The following SCAF8 variants were observed in gnomAD, a reference collection of about 807,000 sequenced individuals.
SCAF8 encodes SR-related and CTD-associated factor 8.
In SCAF8, 23 loss-of-function variants were observed where a neutral mutation model predicts 140.5. The observed-to-expected ratio is 0.16, with a 90% CI of 0.12 to 0.23. The LOEUF (loss-of-function observed/expected upper bound fraction) is 0.23. SCAF8 is among the 10% of genes least tolerant of loss of function. The pLI is 1.00. For synonymous variants in SCAF8, 575 were observed against 528.9 expected, an observed-to-expected ratio of 1.09 and a Z score of -1.20; for missense variants, 1,397 against 1,555.7, an observed-to-expected ratio of 0.90 and a Z score of 1.72.
intron 8 of SCAF8, among the ~76,000 whole-genome samples, chr6:154,805,009 G>A (rs4870313): frequency 0.23 from 35,080 of 151,874 alleles, 4,627 homozygotes; most frequent in East Asian, 0.64. Flanking sequence ...GTAAGAGAAG[G>A]AGTTAAAGTA....
intron 1 of SCAF8, among the ~76,000 whole-genome samples, chr6:154,759,741 C>T (rs1779052920): frequency 6.7e-6 from 1 of 149,968 alleles, no homozygotes; most frequent in African/African-American, 2.5e-5. Context: ...TCTTGGCTCA[C>T]TGCAGGCTCC....
chr6:154,799,593 C>T (rs1450479825), intron 6 of SCAF8, among the ~76,000 whole-genome samples: 3 of 151,168 alleles, frequency 2.0e-5, no homozygotes, highest in Admixed American at 1.3e-4. Context: ...GCTTTCTCAC[C>T]TCTTTCTCCT....
intron 3 of SCAF8, among the ~76,000 whole-genome samples, chr6:154,783,658 A>G (rs1228299941): frequency 6.6e-6 from 1 of 152,186 alleles, no homozygotes; most frequent in Non-Finnish European, 1.5e-5. Flanking sequence ...CTGTATGTAC[A>G]TGGTTGTTAA....
chr6:154,821,171 T>C (rs904466318), intron 15 of SCAF8, among the ~76,000 whole-genome samples: 2 of 152,158 alleles, frequency 1.3e-5, no homozygotes, highest in African/African-American at 2.4e-5. Context: ...GTGAGACAAA[T>C]AGACAAAAAT....
chr6:154,828,069 T>C lies in SCAF8; in HGVS notation c.2140+829T>C, dbSNP rs114605906. Among the ~76,000 whole-genome samples the C allele has an allele frequency of 1.9e-3, 296 of 152,326 alleles. 1 individual carries two copies. Among genetic ancestry groups the C allele is most frequent in the African/African-American group, 6.6e-3 (276 of 41,574 alleles). Reference sequence around the variant, plus strand: ...GCATTTTGATTCACTCTTGGTGTTTTGTTCCCCTTTTAATGATGTTAAGAT... The same window carrying C: ...GCATTTTGATTCACTCTTGGTGTTTCGTTCCCCTTTTAATGATGTTAAGAT... On this transcript the variant is annotated intron_variant, in intron 18 of 19. Coordinates refer to ENST00000367178, the MANE Select transcript of SCAF8 (RefSeq NM_014892.5).
chr6:154,822,543 G>T, intron 16 of SCAF8, 134 bp downstream of exon 16: 4 of 896,974 alleles, frequency 4.5e-6, no homozygotes, highest in Non-Finnish European at 6.5e-6. Flanking sequence ...TTAGGGAAAA[G>T]AATATTTCTT....
At chr6:154,803,030 T>C (rs1777813817) in intron 7 of SCAF8, among the ~76,000 whole-genome samples, 1 of 152,188 alleles carries the variant, frequency 6.6e-6, no homozygotes, top group Non-Finnish European at 1.5e-5. Flanking sequence ...TTTTTAAAAT[T>C]TGTACTTTTT....
At chr6:154,809,334 A>AG (rs1778017730) in intron 11 of SCAF8, among the ~76,000 whole-genome samples, 2 of 152,040 alleles carry the variant, frequency 1.3e-5, no homozygotes, top group Non-Finnish European at 1.5e-5. Flanking sequence ...ATGGTGTAAG[A>AG]GGGGCAGTAC....
At chr6:154,754,008 A>G (rs1778905375) in intron 1 of SCAF8, among the ~76,000 whole-genome samples, 1 of 152,082 alleles carries the variant, frequency 6.6e-6, no homozygotes, top group South Asian at 2.1e-4. Flanking sequence ...TGGTCTCCAT[A>G]TTGTTTTTGT....
At chr6:154,759,740 A>C (rs557223282) in intron 1 of SCAF8, among the ~76,000 whole-genome samples, 1 of 145,654 alleles carries the variant, frequency 6.9e-6, no homozygotes, top group Non-Finnish European at 1.5e-5. Flanking sequence ...ATCTTGGCTC[A>C]CTGCAGGCTC....
At chr6:154,741,014 T>C (rs1232579460) in intron 1 of SCAF8, among the ~76,000 whole-genome samples, 1 of 152,210 alleles carries the variant, frequency 6.6e-6, no homozygotes, top group Non-Finnish European at 1.5e-5. Context: ...TGGTTATTAC[T>C]TTGGGGAGGA....
chr6:154,782,433 C>CAAAACAAAACA (rs202206150), intron 3 of SCAF8, among the ~76,000 whole-genome samples: 159 of 151,974 alleles, frequency 1.0e-3, no homozygotes, highest in African/African-American at 3.4e-3. Context: ...CAAAACAAAA[C>CAAAACAAAACA]AAACAAACAG....
Position 154,820,249 on chromosome 6 carries a change from T to C in SCAF8, c.1708T>C (p.Tyr570His). The change falls in exon 15 of 20, where the codon TAT becomes CAT. Residue 570 changes from tyrosine to histidine, a missense_variant. Physicochemically the swap from Tyr to His is moderately conservative, Grantham distance 83. This residue lies in a region of SCAF8 where 59 missense variants were observed against 110.7 expected (regional missense o/e 0.53). Coordinates refer to ENST00000367178, the MANE Select transcript of SCAF8 (RefSeq NM_014892.5). ...QFWDVDLGVT[Y>H]IPWEKVKVDD... ...CTGGGATGTGGATCTTGGAGTTACA[T>C]ATATACCATGGGAAAAAGTTAAAGT... The C allele has an allele frequency of 6.2e-7, 1 of 1,611,922 alleles. No individual in the cohort carries two copies. Among genetic ancestry groups the C allele is most frequent in the Non-Finnish European group, 8.5e-7 (1 of 1,179,162 alleles).
At chr6:154,755,654 G>A (rs1337856554) in intron 1 of SCAF8, among the ~76,000 whole-genome samples, 1 of 152,124 alleles carries the variant, frequency 6.6e-6, no homozygotes, top group African/African-American at 2.4e-5. Flanking sequence ...CTGAGCTATG[G>A]ATTTGAGACT....
chr6:154,743,639 C>T (rs1778626191), intron 1 of SCAF8, among the ~76,000 whole-genome samples: 1 of 152,104 alleles, frequency 6.6e-6, no homozygotes, highest in African/African-American at 2.4e-5. Context: ...GTGTGTAGAA[C>T]TTGGGAAATA....
chr6:154,759,218 C>A (rs1220102451), intron 1 of SCAF8, among the ~76,000 whole-genome samples: 1 of 152,172 alleles, frequency 6.6e-6, no homozygotes, highest in African/African-American at 2.4e-5. Flanking sequence ...TTTACTCGAT[C>A]TTGGCTGGCA....
At chr6:154,791,582 C>A (rs1424423991) in intron 4 of SCAF8, among the ~76,000 whole-genome samples, 1 of 151,914 alleles carries the variant, frequency 6.6e-6, no homozygotes, top group Non-Finnish European at 1.5e-5. Flanking sequence ...GAAAAGAGAC[C>A]CGAGAATCCT....
intron 1 of SCAF8, among the ~76,000 whole-genome samples, chr6:154,755,454 A>G (rs964212733): frequency 1.3e-5 from 2 of 151,886 alleles, no homozygotes; most frequent in African/African-American, 2.4e-5. Flanking sequence ...GGGTTTTGTC[A>G]TGTCCAGTCT....
chr6:154,740,845 C>T (rs1005076487), intron 1 of SCAF8, among the ~76,000 whole-genome samples: 2 of 151,102 alleles, frequency 1.3e-5, no homozygotes, highest in Non-Finnish European at 3.0e-5. Flanking sequence ...TGTAGAACTC[C>T]TGGTCTCAAG....
Sources: gnomAD v4.1 joint callset for allele counts (sites outside exome capture counted in the v4.1 genomes callset) on GRCh38, gnomAD v4.1.1 for gene constraint, gnomAD v4.1.1 regional missense constraint, MANE v1.5 for transcripts, NCBI Gene and HGNC (gene_info 2026-07-23, HGNC 2026-07-21) for gene names.